The following C1orf21 variants were observed in gnomAD, a reference collection of about 807,000 sequenced individuals.
C1orf21 encodes the protein chromosome 1 open reading frame 21.
C1orf21 carries 3 observed loss-of-function variants against 18.7 expected under a neutral mutation model. That is an observed-to-expected ratio of 0.16 (90% CI 0.07 to 0.42). The LOEUF is 0.42. Ranked by LOEUF, C1orf21 falls within the 10% of genes least tolerant of loss-of-function variation. The probability of loss-of-function intolerance (pLI) is 0.99; values close to 1 mark genes in which losing one functional copy is unlikely to be tolerated. For missense variants in C1orf21, 104 were observed against 143.6 expected (o/e 0.72, Z 1.41); for synonymous variants, 41 against 46.4 (o/e 0.88, Z 0.47).
Position 184,619,633 on chromosome 1 carries a change from C to G in C1orf21, c.*77C>G. 7.1e-7 allele frequency: 1 copy of G among 1,407,832 alleles called. No homozygotes were observed. The highest frequency in any genetic ancestry group is 9.9e-7 in the Non-Finnish European group (1 of 1,010,190). 87.2% of individuals were successfully genotyped at this position (1,407,832 alleles called of 1,614,324 possible). On this transcript the variant is annotated 3_prime_UTR_variant, in exon 6 of 6. Coordinates refer to ENST00000235307, the MANE Select transcript of C1orf21 (RefSeq NM_030806.4). ...CCCCAGTTGAAATCTTTGCAAAGGT[C>G]GGTTCTATTCAGCGAACAGCACTAT...
chr1:184,489,847 G>A (rs959875372), intron 2 of C1orf21, among the ~76,000 whole-genome samples: 3 of 152,152 alleles, frequency 2.0e-5, no homozygotes, highest in African/African-American at 4.8e-5. Context: ...AAACTTTTAC[G>A]ATGGCAGTCT....
At chr1:184,553,338 A>G (rs1658838705) in intron 3 of C1orf21, among the ~76,000 whole-genome samples, 2 of 152,142 alleles carry the variant, frequency 1.3e-5, no homozygotes, top group South Asian at 4.2e-4. Flanking sequence ...TCTTTAAATG[A>G]TTTTTAAACT....
In C1orf21 at chr1:184,472,123, T is replaced by C. The variant is rs149526591; in HGVS notation, c.-124-5263T>C. Among the ~76,000 whole-genome samples, 107 of 152,156 alleles carry C rather than the reference T, an allele frequency of 7.0e-4. 1 individual carries two copies. The highest frequency in any genetic ancestry group is 2.5e-3 in the African/African-American group (105 of 41,546). On this transcript the variant is annotated intron_variant, in intron 1 of 5. Transcript: ENST00000235307. The stretch of plus-strand genomic sequence containing the variant: ...CCAGCAGATGGGCAAACAGACTGAT[T>C]AGTTATTTATATATATATAGATATA...
At chr1:184,410,271 T>G (rs938766159) in intron 1 of C1orf21, among the ~76,000 whole-genome samples, 1 of 152,108 alleles carries the variant, frequency 6.6e-6, no homozygotes. Flanking sequence ...TTGACAGGAT[T>G]ATGCTGAGAT....
At chr1:184,408,561 T>TC (rs1451090318) in intron 1 of C1orf21, 5 of 152,204 alleles carry the variant, frequency 3.3e-5, no homozygotes, top group African/African-American at 7.2e-5. Flanking sequence ...TGCTTTTTTT[T>TC]CCCATTATTT....
chr1:184,618,931 C>T lies in C1orf21; in HGVS notation c.328-587C>T, dbSNP rs569504016. ...AATATGTTCACAAATAACCATTGTA[C>T]ATAGTCCTTAGAGCTTCAGATAACC... is the stretch of plus-strand genomic sequence containing the variant. On this transcript the variant is annotated intron_variant, in intron 5 of 5. Coordinates refer to ENST00000235307, the MANE Select transcript of C1orf21 (RefSeq NM_030806.4). 3.9e-5 allele frequency among the ~76,000 whole-genome samples: 6 copies of T among 152,334 alleles called. No homozygotes were observed. The South Asian group carries it at 1.2e-3, about 32-fold the overall frequency.
At chr1:184,490,220 G>A (rs577287802) in intron 2 of C1orf21, among the ~76,000 whole-genome samples, 16 of 152,356 alleles carry the variant, frequency 1.1e-4, no homozygotes, top group African/African-American at 1.9e-4. Context: ...ATTAGGTGCT[G>A]TGCTAGGCAC....
In C1orf21 at chr1:184,621,122, G is replaced by A. The variant is rs1379830138; in HGVS notation, c.*1566G>A. ...GTCAATTTGCTCTTGCCGAAAAGAT[G>A]AGCCTCGATTTTAAAATCTATCCAC... On this transcript the variant is annotated 3_prime_UTR_variant, in exon 6 of 6. Coordinates refer to ENST00000235307, the MANE Select transcript of C1orf21 (RefSeq NM_030806.4). 1 of 152,384 alleles carries A rather than the reference G, an allele frequency of 6.6e-6. No individual in the cohort carries two copies. The highest frequency in any genetic ancestry group is 1.5e-5 in the Non-Finnish European group (1 of 68,046). 9.4% of individuals were successfully genotyped at this position (152,384 alleles called of 1,614,324 possible). A position where few individuals can be genotyped will look rare whatever the true frequency, so the allele number is the denominator to read the frequency against.
chr1:184,445,650 G>C (rs187786808), intron 1 of C1orf21, among the ~76,000 whole-genome samples: 57 of 152,172 alleles, frequency 3.7e-4, no homozygotes, highest in African/African-American at 1.4e-3. Flanking sequence ...TTGAGGCAGG[G>C]ACAGGAGAAA....
At chr1:184,530,798 C>G (rs1658450659) in intron 3 of C1orf21, among the ~76,000 whole-genome samples, 1 of 152,060 alleles carries the variant, frequency 6.6e-6, no homozygotes. Context: ...AAACTGACTT[C>G]ATGATCACCC....
At chr1:184,464,852 C>A (rs68189478) in intron 1 of C1orf21, among the ~76,000 whole-genome samples, 1 of 152,058 alleles carries the variant, frequency 6.6e-6, no homozygotes, top group African/African-American at 2.4e-5. Context: ...GAGGCAACAG[C>A]GGGTCAACAG....
At chr1:184,419,707 C>T (rs749650240) in intron 1 of C1orf21, among the ~76,000 whole-genome samples, 7 of 151,918 alleles carry the variant, frequency 4.6e-5, no homozygotes, top group Non-Finnish European at 1.0e-4. Flanking sequence ...GGGAGGGTAA[C>T]ATTTATTCAA....
At chr1:184,577,326 G>A (rs1033291820) in intron 3 of C1orf21, among the ~76,000 whole-genome samples, 25 of 151,880 alleles carry the variant, frequency 1.6e-4, no homozygotes, top group Non-Finnish European at 2.6e-4. Context: ...GCTATGGACC[G>A]AGGCGGGTCG....
chr1:184,474,395 A>G (rs1557981363), intron 1 of C1orf21, among the ~76,000 whole-genome samples: 1 of 152,094 alleles, frequency 6.6e-6, no homozygotes, highest in Non-Finnish European at 1.5e-5. Context: ...TAATAGAGAC[A>G]TCCTTTAAAA....
chr1:184,495,879 C>T (rs1657885653), intron 2 of C1orf21, among the ~76,000 whole-genome samples: 1 of 142,000 alleles, frequency 7.0e-6, no homozygotes, highest in Non-Finnish European at 1.5e-5. Context: ...GATCGTGCCA[C>T]TGCACTCCAG....
intron 3 of C1orf21, among the ~76,000 whole-genome samples, chr1:184,553,154 G>A (rs146311289): frequency 1.3e-5 from 2 of 152,238 alleles, no homozygotes; most frequent in African/African-American, 2.4e-5. Flanking sequence ...TCACAGACAC[G>A]AGGATGAGGG....
chr1:184,575,611 T>TAAAAA (rs59167087), intron 3 of C1orf21, among the ~76,000 whole-genome samples: 2 of 83,508 alleles, frequency 2.4e-5, no homozygotes, highest in African/African-American at 4.3e-5. Flanking sequence ...CACAAAAAGG[T>TAAAAA]AAAAAAAAAA....
intron 3 of C1orf21, among the ~76,000 whole-genome samples, chr1:184,510,317 C>T (rs1031795734): frequency 5.3e-5 from 8 of 152,190 alleles, no homozygotes; most frequent in African/African-American, 1.9e-4. Flanking sequence ...AGTGCCTTTG[C>T]ACTAGACTGC....
intron 1 of C1orf21, among the ~76,000 whole-genome samples, chr1:184,428,199 A>C (rs1467435240): frequency 1.3e-5 from 2 of 151,522 alleles, no homozygotes; most frequent in African/African-American, 2.4e-5. Flanking sequence ...GCCTTTTTCC[A>C]TTTGTCAACT....
Sources: gnomAD v4.1 joint callset for allele counts (sites outside exome capture counted in the v4.1 genomes callset) on GRCh38, gnomAD v4.1.1 for gene constraint, MANE v1.5 for transcripts, NCBI Gene and HGNC (gene_info 2026-07-23, HGNC 2026-07-21) for gene names.